Variants in ITGB5 observed in about 807,000 individuals in gnomAD.
ITGB5 encodes the protein integrin subunit beta 5.
A neutral mutation model predicts 84.8 loss-of-function variants in ITGB5; 38 were observed. The ratio of observed to expected loss-of-function variants is 0.45; its 90% CI spans 0.35 to 0.59. The LOEUF is 0.59. ITGB5 is among the 20% of genes least tolerant of loss of function. The probability of loss-of-function intolerance (pLI) is 0.01; values close to 1 mark genes in which losing one functional copy is unlikely to be tolerated. For synonymous variants in ITGB5, 393 were observed against 414.4 expected, an observed-to-expected ratio of 0.95 and a Z score of 0.63; for missense variants, 905 against 1,034.5, an observed-to-expected ratio of 0.87 and a Z score of 1.72.
chr3:124,771,448 C>CAAAT (rs1279922637), intron 11 of ITGB5, among the ~76,000 whole-genome samples: 1 of 152,026 alleles, frequency 6.6e-6, no homozygotes, highest in East Asian at 1.9e-4. Flanking sequence ...GGCCCAGAGA[C>CAAAT]AAATAAGAAG....
At chr3:124,853,861 TA>T (rs1438675033) in intron 3 of ITGB5, among the ~76,000 whole-genome samples, 6 of 152,222 alleles carry the variant, frequency 3.9e-5, no homozygotes, top group African/African-American at 1.2e-4. Flanking sequence ...CTTGTGAGTC[TA>T]AAATTATTTC....
intron 9 of ITGB5, among the ~76,000 whole-genome samples, chr3:124,799,420 C>G (rs2107522517): frequency 6.6e-6 from 1 of 152,194 alleles, no homozygotes; most frequent in Middle Eastern, 3.4e-3. Context: ...ATTAGCCGGG[C>G]ATTTTGGCAC....
At chr3:124,856,313 G>A (rs1192593048) in intron 3 of ITGB5, among the ~76,000 whole-genome samples, 1 of 152,156 alleles carries the variant, frequency 6.6e-6, no homozygotes, top group East Asian at 1.9e-4. Flanking sequence ...TTAAAGTGTG[G>A]ACATCTTTGG....
rs573924602 is a variant in ITGB5 at position 124,854,991 on chromosome 3, G to A, written c.361+4251C>T. On this transcript the variant is annotated intron_variant, in intron 3 of 14. Transcript: ENST00000296181. ...TTATGAGGCATGGGGGGTAGGGCAAGGAAGAAGACACAAAAGCATTTCTAA... is the reference window on the plus strand; with the variant it reads ...TTATGAGGCATGGGGGGTAGGGCAAAGAAGAAGACACAAAAGCATTTCTAA... Among the ~76,000 whole-genome samples the A allele has an allele frequency of 2.3e-4, 35 of 152,162 alleles. 1 individual carries two copies. The South Asian group carries it at 7.0e-3, about 31-fold the overall frequency.
intron 1 of ITGB5, among the ~76,000 whole-genome samples, chr3:124,894,134 C>CT (rs748784158): frequency 0.01 from 1,079 of 104,306 alleles, 95 homozygotes; most frequent in South Asian, 0.041. Context: ...TGATATTTTT[C>CT]TTTTTTTTTT....
At chr3:124,821,585 C>A in intron 5 of ITGB5, 111 bp from the exon 6 acceptor site, 1 of 1,184,854 alleles carries the variant, frequency 8.4e-7, no homozygotes, top group South Asian at 1.4e-5. Context: ...GAGGCATTCC[C>A]CTTGCCATGT....
At chr3:124,886,577 G>A (rs1173263823) in intron 1 of ITGB5, among the ~76,000 whole-genome samples, 2 of 151,738 alleles carry the variant, frequency 1.3e-5, no homozygotes, top group African/African-American at 2.4e-5. Context: ...CACAAGGACC[G>A]CTTTGTGCCC....
At chr3:124,810,773 ATG>A (rs1311926861) in intron 8 of ITGB5, among the ~76,000 whole-genome samples, 11 of 152,186 alleles carry the variant, frequency 7.2e-5, no homozygotes, top group African/African-American at 2.4e-4. Flanking sequence ...GTATAGCATG[ATG>A]TACCCATATG....
intron 8 of ITGB5, among the ~76,000 whole-genome samples, chr3:124,812,035 G>A (rs1042452348): frequency 6.6e-6 from 1 of 152,222 alleles, no homozygotes; most frequent in African/African-American, 2.4e-5. Flanking sequence ...AGATCATCAG[G>A]TTGTATCGTG....
At chr3:124,800,450 C>G (rs887495723) in intron 9 of ITGB5, among the ~76,000 whole-genome samples, 1 of 152,204 alleles carries the variant, frequency 6.6e-6, no homozygotes, top group Non-Finnish European at 1.5e-5. Context: ...TTCTGGCACT[C>G]AATCACCAGC....
intron 8 of ITGB5, among the ~76,000 whole-genome samples, chr3:124,809,940 G>A (rs2064471768): frequency 6.6e-6 from 1 of 152,172 alleles, no homozygotes; most frequent in African/African-American, 2.4e-5. Flanking sequence ...CCTATAGAAA[G>A]CCATTAGGCT....
chr3:124,899,675 G>A (rs1234412166), intron 1 of ITGB5, among the ~76,000 whole-genome samples: 1 of 151,858 alleles, frequency 6.6e-6, no homozygotes, highest in African/African-American at 2.4e-5. Flanking sequence ...GCAGCATAGT[G>A]AGACTTCATC....
At chr3:124,769,339 T>A in intron 11 of ITGB5, 1 of 505,150 alleles carries the variant, frequency 2.0e-6, no homozygotes, top group Non-Finnish European at 3.5e-6. Context: ...CTTGTCTACA[T>A]GTCAGGTTGC....
intron 5 of ITGB5, among the ~76,000 whole-genome samples, chr3:124,826,391 T>A (rs2064784971): frequency 6.6e-6 from 1 of 152,240 alleles, no homozygotes; most frequent in Non-Finnish European, 1.5e-5. Flanking sequence ...TTGCTGCCCC[T>A]ACTTACCTGT....
intron 1 of ITGB5, among the ~76,000 whole-genome samples, chr3:124,885,263 T>C (rs1013819449): frequency 6.6e-6 from 1 of 151,524 alleles, no homozygotes; most frequent in African/African-American, 2.4e-5. Flanking sequence ...AGACTGAAAC[T>C]CTGACTCAAA....
At chr3:124,842,759 A>G (rs1330287851) in intron 4 of ITGB5, among the ~76,000 whole-genome samples, 2 of 152,242 alleles carry the variant, frequency 1.3e-5, no homozygotes, top group Non-Finnish European at 2.9e-5. Context: ...CCTTAGCAAC[A>G]GCTAGGAGGA....
chr3:124,883,432 A>C (rs1452620861), intron 1 of ITGB5, among the ~76,000 whole-genome samples: 1 of 152,210 alleles, frequency 6.6e-6, no homozygotes, highest in Admixed American at 6.5e-5. Flanking sequence ...ATGGAGTTAA[A>C]ATGTAAATCC....
chr3:124,821,702 G>C (rs1311222386), intron 5 of ITGB5, among the ~76,000 whole-genome samples: 6 of 152,184 alleles, frequency 3.9e-5, no homozygotes, highest in African/African-American at 1.4e-4. Flanking sequence ...AAATGTCCAA[G>C]TCTTTGCCCA....
Position 124,841,450 on chromosome 3 carries a change from C to T in ITGB5, c.713G>A (p.Arg238Lys). 10 of 1,614,228 alleles carry T rather than the reference C, an allele frequency of 6.2e-6. No homozygotes were observed. Among genetic ancestry groups the T allele is most frequent in the Non-Finnish European group, 8.5e-6 (10 of 1,180,038 alleles). ...AGGGGCATCTCGGTTCCGGGACACC[C>T]TCTGTTTCCGAACTTCCTCATTGAA... is the stretch of plus-strand genomic sequence containing the variant. ...DSFNEEVRKQ[R>K]VSRNRDAPEG... The change falls in exon 5 of 15, where the codon AGG becomes AAG. Residue 238 changes from arginine (R) to lysine (K), a missense_variant. Physicochemically the swap from Arg to Lys is conservative, Grantham distance 26 (BLOSUM62 2). This residue lies in a region of ITGB5 where 656 missense variants were observed against 734.7 expected (regional missense o/e 0.89). Coordinates refer to ENST00000296181, the MANE Select transcript of ITGB5 (RefSeq NM_002213.5).
Sources: allele counts gnomAD v4.1 joint callset (sites outside exome capture counted in the v4.1 genomes callset), GRCh38; gene constraint gnomAD v4.1.1; regional missense constraint gnomAD v4.1.1; transcripts MANE v1.5; gene names NCBI Gene and HGNC (gene_info 2026-07-23, HGNC 2026-07-21).